The following THSD7B variants were observed in gnomAD, a reference collection of about 807,000 sequenced individuals.
THSD7B encodes thrombospondin type 1 domain containing 7B, also known as thrombospondin type-1 domain-containing protein 7B.
THSD7B carries 138 observed loss-of-function variants against 213.6 expected under a neutral mutation model. That is an observed-to-expected ratio of 0.65 (90% CI 0.56 to 0.74). The LOEUF (loss-of-function observed/expected upper bound fraction) is 0.74. Among genes scored for constraint, THSD7B ranks in the 30% least tolerant of loss-of-function variants. The probability of loss-of-function intolerance (pLI) is 0.00; values close to 1 mark genes in which losing one functional copy is unlikely to be tolerated. For synonymous variants in THSD7B, 742 were observed against 687.0 expected, an observed-to-expected ratio of 1.08 and a Z score of -1.25; for missense variants, 1,931 against 1,991.5, an observed-to-expected ratio of 0.97 and a Z score of 0.58.
At chr2:136,802,070 C>A (rs983140440) in intron 1 of THSD7B, among the ~76,000 whole-genome samples, 4 of 151,986 alleles carry the variant, frequency 2.6e-5, no homozygotes, top group Non-Finnish European at 5.9e-5. Context: ...GGTAAACCTC[C>A]CTGAATCATT....
intron 1 of THSD7B, among the ~76,000 whole-genome samples, chr2:136,781,656 G>A (rs760480456): frequency 6.6e-6 from 1 of 151,842 alleles, no homozygotes; most frequent in Non-Finnish European, 1.5e-5. Flanking sequence ...CTCTTCCTGT[G>A]CCTGGCATAG....
At position 137,666,746 on chromosome 2, in the gene THSD7B, T is replaced by G. The variant is rs573430705; in HGVS notation, c.4652-1028T>G. 5.9e-5 allele frequency among the ~76,000 whole-genome samples: 9 copies of G among 151,416 alleles called. No individual in the cohort carries two copies. The South Asian group carries it at 1.2e-3, about 21-fold the overall frequency. On this transcript the variant is annotated intron_variant, in intron 26 of 27. Coordinates refer to ENST00000409968, the MANE Select transcript of THSD7B (RefSeq NM_001316349.2). ...CATATAAAATAGAGCAAAAAGACAT[T>G]AGAGTGACAGAAACAACTCAAGTTT...
intron 2 of THSD7B, among the ~76,000 whole-genome samples, chr2:136,989,743 T>C (rs1257761339): frequency 6.6e-6 from 1 of 152,186 alleles, no homozygotes; most frequent in Admixed American, 6.5e-5. Context: ...GAAGGGAATT[T>C]GAATTTATTC....
chr2:137,442,393 C>T (rs1687433655), intron 14 of THSD7B, among the ~76,000 whole-genome samples: 1 of 151,844 alleles, frequency 6.6e-6, no homozygotes, highest in Admixed American at 6.6e-5. Context: ...TTGTGCCAAG[C>T]TTGATCCATC....
At chr2:137,112,110 G>A (rs1225952078) in intron 4 of THSD7B, among the ~76,000 whole-genome samples, 1 of 152,106 alleles carries the variant, frequency 6.6e-6, no homozygotes, top group South Asian at 2.1e-4. Flanking sequence ...AGCTGAGTGG[G>A]CTCCTTTGAT....
intron 15 of THSD7B, among the ~76,000 whole-genome samples, chr2:137,541,832 C>CT (rs1308763317): frequency 6.7e-6 from 1 of 148,914 alleles, no homozygotes; most frequent in Non-Finnish European, 1.5e-5. Context: ...TACTAGAGGG[C>CT]TTAAGCAACA....
At chr2:136,926,956 G>A (rs1684543277) in intron 2 of THSD7B, among the ~76,000 whole-genome samples, 1 of 151,950 alleles carries the variant, frequency 6.6e-6, no homozygotes, top group Non-Finnish European at 1.5e-5. Flanking sequence ...TTCTGAATTG[G>A]TTCAGTTATC....
intron 1 of THSD7B, among the ~76,000 whole-genome samples, chr2:136,827,401 G>A (rs1349081274): frequency 6.6e-6 from 1 of 152,300 alleles, no homozygotes; most frequent in Non-Finnish European, 1.5e-5. Flanking sequence ...TAAGCATCAA[G>A]GAGAAAGAAA....
intron 7 of THSD7B, among the ~76,000 whole-genome samples, chr2:137,188,378 G>A (rs1410815856): frequency 6.6e-6 from 1 of 152,004 alleles, no homozygotes; most frequent in Non-Finnish European, 1.5e-5. Flanking sequence ...TACTCTATCT[G>A]GAAGTCTTCT....
intron 2 of THSD7B, among the ~76,000 whole-genome samples, chr2:136,918,791 GA>G (rs1684387942): frequency 6.6e-6 from 1 of 152,168 alleles, no homozygotes; most frequent in African/African-American, 2.4e-5. Flanking sequence ...CTTCATCTAA[GA>G]AAAATACCTA....
chr2:137,147,885 C>T (rs560145534), intron 5 of THSD7B, among the ~76,000 whole-genome samples: 1 of 152,268 alleles, frequency 6.6e-6, no homozygotes, highest in South Asian at 2.1e-4. Context: ...AAACATCCTT[C>T]TCCCTTCAAA....
intron 17 of THSD7B, among the ~76,000 whole-genome samples, chr2:137,591,838 A>G (rs1209522435): frequency 6.6e-6 from 1 of 151,718 alleles, no homozygotes; most frequent in Non-Finnish European, 1.5e-5. Context: ...TCATACGAAC[A>G]TTTTGCCTGG....
At chr2:137,365,227 T>C (rs1685380255) in intron 12 of THSD7B, among the ~76,000 whole-genome samples, 1 of 152,212 alleles carries the variant, frequency 6.6e-6, no homozygotes, top group African/African-American at 2.4e-5. Flanking sequence ...TTACACCTTA[T>C]ACAAAAATTA....
intron 17 of THSD7B, among the ~76,000 whole-genome samples, chr2:137,576,516 G>A (rs528245918): frequency 2.6e-5 from 4 of 152,186 alleles, no homozygotes; most frequent in East Asian, 1.9e-4. Context: ...TGTGAGAAAC[G>A]ATCACAAAGG....
At chr2:137,285,875 G>A (rs1257057108) in intron 12 of THSD7B, among the ~76,000 whole-genome samples, 1 of 151,904 alleles carries the variant, frequency 6.6e-6, no homozygotes, top group Non-Finnish European at 1.5e-5. Context: ...AGGTTGAGGT[G>A]GGCGGATCAC....
At chr2:137,666,342 A>C (rs1683446129) in intron 26 of THSD7B, among the ~76,000 whole-genome samples, 1 of 152,050 alleles carries the variant, frequency 6.6e-6, no homozygotes, top group Non-Finnish European at 1.5e-5. Context: ...TTTCAAAGAG[A>C]TTAGAATCAA....
intron 5 of THSD7B, among the ~76,000 whole-genome samples, chr2:137,124,452 T>C (rs1204965785): frequency 6.6e-6 from 1 of 152,216 alleles, no homozygotes; most frequent in African/African-American, 2.4e-5. Context: ...GTTTAAGCTT[T>C]ACATCAGGTT....
At chr2:137,239,273 A>T (rs990128948) in intron 9 of THSD7B, among the ~76,000 whole-genome samples, 1 of 152,324 alleles carries the variant, frequency 6.6e-6, no homozygotes, top group African/African-American at 2.4e-5. Context: ...CAGAAAATGT[A>T]TTTATATAGC....
chr2:137,654,324 A>G (rs1337030166), intron 21 of THSD7B, among the ~76,000 whole-genome samples: 2 of 152,190 alleles, frequency 1.3e-5, no homozygotes, highest in Admixed American at 1.3e-4. Flanking sequence ...CTGAACAGCC[A>G]CTTTGACTTG....
Sources: gnomAD v4.1 joint callset for allele counts (sites outside exome capture counted in the v4.1 genomes callset) on GRCh38, gnomAD v4.1.1 for gene constraint, MANE v1.5 for transcripts, NCBI Gene and HGNC (gene_info 2026-07-23, HGNC 2026-07-21) for gene names.